Variants in PTPRS observed in about 807,000 individuals in gnomAD.
PTPRS encodes the protein receptor-type tyrosine-protein phosphatase S.
PTPRS carries 63 observed loss-of-function variants against 215.3 expected under a neutral mutation model. The ratio of observed to expected loss-of-function variants is 0.29; its 90% CI spans 0.24 to 0.36. The LOEUF (loss-of-function observed/expected upper bound fraction) is 0.36. Ranked by LOEUF, PTPRS falls within the 10% of genes least tolerant of loss-of-function variation. PTPRS has a pLI of 1.00. For synonymous variants in PTPRS, 1,404 were observed against 1,191.4 expected (o/e 1.18, Z -3.68); for missense variants, 2,258 against 2,825.8 (o/e 0.80, Z 4.56).
chr19:5,322,369 C>T (rs1185807921), intron 1 of PTPRS, among the ~76,000 whole-genome samples: 3 of 152,324 alleles, frequency 2.0e-5, no homozygotes, highest in East Asian at 1.9e-4. Context: ...CGCAGCACCA[C>T]GTCCGTGGGC....
In PTPRS at chr19:5,237,866, T is replaced by C. The variant is rs2043610981; in HGVS notation, c.1849+1053A>G. On this transcript the variant is annotated intron_variant, in intron 13 of 37. Coordinates refer to ENST00000262963, the MANE Select transcript of PTPRS (RefSeq NM_002850.4). This position sits in a 1 kb window ranked among gnomAD's most constrained non-coding sequence, Gnocchi z 4.2. ...AGGGGGCCGGCGGGGGCAGGGGGGT[T>C]GTGTCTCCGAGGCGCCCCACCCCCC... 2.0e-5 allele frequency among the ~76,000 whole-genome samples: 3 copies of C among 151,876 alleles called. No individual in the cohort carries two copies. The South Asian group carries it at 6.2e-4, about 32-fold the overall frequency.
In PTPRS at chr19:5,211,120, C is replaced by A. The variant is rs114809427; in HGVS notation, c.5235-315G>T. The stretch of plus-strand genomic sequence containing the variant: ...CTTTCAGTTGCTTGCGTGGGCCAAG[C>A]TCTCAGCCCCGGGCCTTTGCACATG... On this transcript the variant is annotated intron_variant, in intron 33 of 37. Coordinates refer to ENST00000262963, the MANE Select transcript of PTPRS (RefSeq NM_002850.4). 2.7e-3 allele frequency among the ~76,000 whole-genome samples: 413 copies of A among 152,360 alleles called. 1 individual carries two copies. Among genetic ancestry groups the A allele is most frequent in the African/African-American group, 9.3e-3 (386 of 41,576 alleles).
chr19:5,212,566 G>A lies in PTPRS; in HGVS notation c.4615-75C>T, dbSNP rs891035592. 50 of 1,498,898 alleles carry A rather than the reference G, an allele frequency of 3.3e-5. No individual in the cohort carries two copies. The African/African-American group carries it at 3.9e-4, about 12-fold the overall frequency. The allele number at this position is 1,498,898 out of a possible 1,614,324, so 92.8% of individuals were successfully genotyped here. On this transcript the variant is annotated intron_variant, in intron 30 of 37. Transcript: ENST00000262963. ...ATGTGCTGAAGATGCCCAAGTGGCC[G>A]GGTGTGGTGGCTCATGCCTGTTATC...
chr19:5,248,029 G>A (rs972485803), intron 9 of PTPRS, among the ~76,000 whole-genome samples: 2 of 147,434 alleles, frequency 1.4e-5, no homozygotes, highest in Admixed American at 6.8e-5. Context: ...GCGAGGTGCC[G>A]TGAGATGGGG....
chr19:5,271,398 T>C (rs2046897523), intron 4 of PTPRS, among the ~76,000 whole-genome samples: 1 of 151,744 alleles, frequency 6.6e-6, no homozygotes, highest in Non-Finnish European at 1.5e-5. Flanking sequence ...CCCGATTTTT[T>C]TTTTTTTTTT....
At chr19:5,242,542 A>ATTT (rs756611742) in intron 11 of PTPRS, among the ~76,000 whole-genome samples, 3 of 132,928 alleles carry the variant, frequency 2.3e-5, no homozygotes, top group Non-Finnish European at 4.8e-5. Context: ...TAATTTTTGT[A>ATTT]TTTTTTTTTT....
In PTPRS at chr19:5,210,657, C is replaced by G. The variant is rs746359177; in HGVS notation, c.5361+22G>C. On this transcript the variant is annotated intron_variant, in intron 34 of 37. Transcript: ENST00000262963. The surrounding 1 kb of genome is among the most constrained non-coding windows in gnomAD (Gnocchi z 4.5). ...AGCCACAGTCTGGCCCTCGCCCTTC[C>G]CTGCTGTGGCCCCTAGCTCACCCGG... is the stretch of plus-strand genomic sequence containing the variant. The G allele has an allele frequency of 5.0e-6, 8 of 1,614,154 alleles. No homozygotes were observed. Among genetic ancestry groups the G allele is most frequent in the Non-Finnish European group, 5.9e-6 (7 of 1,180,028 alleles).
intron 1 of PTPRS, among the ~76,000 whole-genome samples, chr19:5,288,966 T>G (rs967543886): frequency 2.0e-5 from 3 of 152,112 alleles, no homozygotes; most frequent in African/African-American, 7.2e-5. Flanking sequence ...TCCCCCCAGA[T>G]CCGCCACTCC....
intron 2 of PTPRS, among the ~76,000 whole-genome samples, chr19:5,281,587 T>G (rs376893914): frequency 6.6e-5 from 10 of 152,318 alleles, no homozygotes; most frequent in African/African-American, 2.4e-4. Flanking sequence ...TGAGCCTGAT[T>G]AGGGCAGATG....
At chr19:5,207,176 C>T (rs2040436689) in intron 37 of PTPRS, among the ~76,000 whole-genome samples, 1 of 152,244 alleles carries the variant, frequency 6.6e-6, no homozygotes, top group Non-Finnish European at 1.5e-5. Flanking sequence ...CCTCTGTCTC[C>T]TGGGTTCAAG....
chr19:5,295,199 G>A lies in PTPRS; in HGVS notation c.-94-8965C>T, dbSNP rs767725642. Reference sequence around the variant, plus strand: ...GACAGTTTCCCCATCTGCCACATAAGCCAAGCACTGAACAGGTGCTCAATG... The same window carrying A: ...GACAGTTTCCCCATCTGCCACATAAACCAAGCACTGAACAGGTGCTCAATG... On this transcript the variant is annotated intron_variant, in intron 1 of 37. Coordinates refer to ENST00000262963, the MANE Select transcript of PTPRS (RefSeq NM_002850.4). The surrounding 1 kb of genome is among the most constrained non-coding windows in gnomAD (Gnocchi z 4.6). 2.0e-5 allele frequency among the ~76,000 whole-genome samples: 3 copies of A among 152,214 alleles called. No individual in the cohort carries two copies. Among genetic ancestry groups the A allele is most frequent in the Non-Finnish European group, 2.9e-5 (2 of 68,040 alleles).
chr19:5,219,451 G>T lies in PTPRS; in HGVS notation c.3782C>A (p.Pro1261His), dbSNP rs1161671874. 4 of 1,596,816 alleles carry T rather than the reference G, an allele frequency of 2.5e-6. No homozygotes were observed. Among genetic ancestry groups the T allele is most frequent in the Non-Finnish European group, 3.4e-6 (4 of 1,171,648 alleles). ...QKSEPTFAAS[P>H]FSDPFQLDNP... ...ATCCAGCTGGAAGGGGTCTGAGAAG[G>T]GACTGGCTGCAAAGGTCTGCAGGGA... The change falls in exon 23 of 38, where the codon CCC becomes CAC. Residue 1261 changes from proline to histidine, a missense_variant. Physicochemically the swap from Pro to His is moderately conservative, Grantham distance 77. Transcript: ENST00000262963.
chr19:5,292,146 G>A (rs2048872053), intron 1 of PTPRS, among the ~76,000 whole-genome samples: 1 of 152,140 alleles, frequency 6.6e-6, no homozygotes, highest in South Asian at 2.1e-4. Context: ...CCCCCTGGAT[G>A]GAAGCCCTTT....
At position 5,207,987 on chromosome 19, in the gene PTPRS, C is replaced by T. The variant is rs757213585; in HGVS notation, c.5713G>A (p.Val1905Met). 8.7e-6 allele frequency: 14 copies of T among 1,614,012 alleles called. No individual in the cohort carries two copies. Among genetic ancestry groups the T allele is most frequent in the Admixed American group, 3.3e-5 (2 of 60,012 alleles). Residue 1905 changes from valine (V) to methionine (M), a missense_variant, in exon 37 of 38, where the codon GTG becomes ATG. Around this residue, in one of 6 missense-constraint regions of PTPRS, gnomAD observed 89 missense variants for 104.0 expected, o/e 0.86. Transcript: ENST00000262963. ...TTCACCGTCTGAAAGATGTCCACCA[C>T]GCCTTCATACCGCATCCGCTCCAGC... ...IVLERMRYEG[V>M]VDIFQTVKML...
intron 1 of PTPRS, among the ~76,000 whole-genome samples, chr19:5,330,560 C>G (rs1387899894): frequency 2.6e-5 from 4 of 152,208 alleles, no homozygotes; most frequent in African/African-American, 9.6e-5. Context: ...TAGACTCATC[C>G]AGCTCCTCCT....
chr19:5,282,296 C>T (rs1046944633), intron 2 of PTPRS, among the ~76,000 whole-genome samples: 1 of 152,186 alleles, frequency 6.6e-6, no homozygotes, highest in Non-Finnish European at 1.5e-5. Context: ...AGAGCTGTCC[C>T]TGCCCACTGA....
chr19:5,219,489 C>A (rs1251664839), intron 22 of PTPRS, 22 bp from the exon 23 acceptor site: 1 of 1,545,438 alleles, frequency 6.5e-7, no homozygotes, highest in Non-Finnish European at 8.7e-7. Flanking sequence ...GGAGGGGGGT[C>A]TCCATCAGTG....
rs1443767326 is a variant in PTPRS, at chr19:5,222,980, C to T, written c.2812G>A (p.Ala938Thr). Residue 938 changes from alanine (A) to threonine (T), a missense_variant, in exon 18 of 38, where the codon GCC becomes ACC. Ala to Thr is a moderately conservative substitution (Grantham distance 58). Coordinates refer to ENST00000262963, the MANE Select transcript of PTPRS (RefSeq NM_002850.4). ...ACGGTCCCGGCCGAGGCGTTGCCGG[C>T]CGCCTCCAGAATCTGCGGGTGGCCA... ...PRGHPQILEAAGNASAGTVLL... is the reference protein window; with the variant it reads ...PRGHPQILEATGNASAGTVLL... The T allele has an allele frequency of 1.3e-6, 2 of 1,541,020 alleles. No individual in the cohort carries two copies. The highest frequency in any genetic ancestry group is 2.4e-5 in the East Asian group (1 of 40,898).
At chr19:5,311,404 G>A (rs564486198) in intron 1 of PTPRS, among the ~76,000 whole-genome samples, 2 of 152,288 alleles carry the variant, frequency 1.3e-5, no homozygotes, top group African/African-American at 4.8e-5. Flanking sequence ...GACCCTGTGA[G>A]GATCAGGGCC....
Sources: allele counts gnomAD v4.1 joint callset (sites outside exome capture counted in the v4.1 genomes callset), GRCh38; gene constraint gnomAD v4.1.1; regional missense constraint gnomAD v4.1.1; non-coding constraint Gnocchi (gnomAD v3.1); transcripts MANE v1.5; gene names NCBI Gene and HGNC (gene_info 2026-07-23, HGNC 2026-07-21).